NFIB: variants seen among roughly 807,000 people sequenced by gnomAD.
The protein encoded by NFIB is nuclear factor 1 B-type.
NFIB carries 11 observed loss-of-function variants against 61.5 expected under a neutral mutation model. The observed-to-expected ratio is 0.18, with a 90% CI of 0.11 to 0.30. NFIB has a LOEUF of 0.30. Ranked by LOEUF, NFIB falls within the 10% of genes least tolerant of loss-of-function variation. The pLI is 1.00. For synonymous variants in NFIB, 260 were observed against 216.5 expected (o/e 1.20, Z -1.76); for missense variants, 471 against 608.9 (o/e 0.77, Z 2.38).
At chr9:14,271,107 C>T (rs1032977577) in intron 2 of NFIB, among the ~76,000 whole-genome samples, 2 of 151,958 alleles carry the variant, frequency 1.3e-5, no homozygotes, top group Non-Finnish European at 2.9e-5. Context: ...AGAGACCTCC[C>T]ACCCCAACAA....
At chr9:14,438,317 C>T in the NFIB span, among the ~76,000 whole-genome samples, 1 of 152,188 alleles carries the variant, frequency 6.6e-6, no homozygotes, top group African/African-American at 2.4e-5. Context: ...GAAAGAAACG[C>T]TGGGTGCTAA....
chr9:14,278,721 A>G (rs1035922302), intron 2 of NFIB, among the ~76,000 whole-genome samples: 3 of 152,214 alleles, frequency 2.0e-5, no homozygotes, highest in Non-Finnish European at 4.4e-5. Context: ...TAACCCCACC[A>G]TGATTCAGAA....
At chr9:14,460,524 A>G in the NFIB span, among the ~76,000 whole-genome samples, 142 of 152,350 alleles carry the variant, frequency 9.3e-4, no homozygotes, top group African/African-American at 3.3e-3. Context: ...TAATAAAAAA[A>G]AAAGAGGGCT....
chr9:14,460,284 C>T, the NFIB span, among the ~76,000 whole-genome samples: 2 of 151,472 alleles, frequency 1.3e-5, no homozygotes, highest in Non-Finnish European at 2.9e-5. Flanking sequence ...AACCAAACAC[C>T]ACATGTTCTC....
intron 1 of NFIB, among the ~76,000 whole-genome samples, chr9:14,332,330 C>CAAAAAA (rs5896627): frequency 9.3e-6 from 1 of 108,094 alleles, no homozygotes; most frequent in Admixed American, 1.1e-4. Context: ...GAGACTCCGT[C>CAAAAAA]AAAAAAAAAA....
chr9:14,322,022 A>G, intron 1 of NFIB: 1 of 1,227,268 alleles, frequency 8.1e-7, no homozygotes, highest in Non-Finnish European at 1.0e-6. Flanking sequence ...TGTCTCAGGT[A>G]CAGATTTGTG....
At position 14,083,685 on chromosome 9, in the gene NFIB, G is replaced by A; in HGVS notation, c.*4624C>T. 1 of 223,590 alleles carries A rather than the reference G, an allele frequency of 4.5e-6. No homozygotes were observed. Among genetic ancestry groups the A allele is most frequent in the Non-Finnish European group, 9.0e-6 (1 of 111,686 alleles). The allele number at this position is 223,590 out of a possible 1,614,324, so 13.9% of individuals were successfully genotyped here. A position where few individuals can be genotyped will look rare whatever the true frequency, so the allele number is the denominator to read the frequency against. ...TACACTGAATATGGGATAACTTTCT[G>A]CAGCCTTCATCATTTCACACAGTAC... On this transcript the variant is annotated 3_prime_UTR_variant, in exon 11 of 11. Transcript: ENST00000380953.
intron 2 of NFIB, among the ~76,000 whole-genome samples, chr9:14,282,489 A>C (rs2058436850): frequency 6.6e-6 from 1 of 152,262 alleles, no homozygotes; most frequent in Admixed American, 6.5e-5. Context: ...ACCACTTTGC[A>C]AAAGTCCAAA....
In NFIB at chr9:14,082,907, T is replaced by A. The variant is rs1054201232; in HGVS notation, c.*5402A>T. ...CAAGACTGGCTTTAGTGTCACTAGC[T>A]TACACTGCTTTTCATGTATTTAGGC... On this transcript the variant is annotated 3_prime_UTR_variant, in exon 11 of 11. Transcript: ENST00000380953. 2 of 209,030 alleles carry A rather than the reference T, an allele frequency of 9.6e-6. No homozygotes were observed. Among genetic ancestry groups the A allele is most frequent in the African/African-American group, 4.6e-5 (2 of 43,940 alleles). The allele number at this position is 209,030 out of a possible 1,614,324, so 12.9% of individuals were successfully genotyped here.
At chr9:14,249,606 T>G (rs2055347412) in intron 2 of NFIB, among the ~76,000 whole-genome samples, 1 of 152,050 alleles carries the variant, frequency 6.6e-6, no homozygotes, top group Non-Finnish European at 1.5e-5. Context: ...TTATTGCATA[T>G]CATTGTGCAT....
At chr9:14,311,635 C>G (rs1183053193) in intron 1 of NFIB, among the ~76,000 whole-genome samples, 2 of 152,152 alleles carry the variant, frequency 1.3e-5, no homozygotes, top group Admixed American at 6.5e-5. Flanking sequence ...TGTCTCAATG[C>G]TGCAATATTA....
the NFIB span, among the ~76,000 whole-genome samples, chr9:14,447,350 A>G: frequency 6.6e-6 from 1 of 152,166 alleles, no homozygotes; most frequent in Admixed American, 6.5e-5. Flanking sequence ...CCGTATTCTC[A>G]GAATTGTATT....
chr9:14,274,579 G>T (rs1448029079), intron 2 of NFIB, among the ~76,000 whole-genome samples: 4 of 152,100 alleles, frequency 2.6e-5, no homozygotes, highest in African/African-American at 7.2e-5. Context: ...TCCCCTTTTA[G>T]ATTATTTGCA....
chr9:14,284,394 A>G (rs889366297), intron 2 of NFIB, among the ~76,000 whole-genome samples: 1 of 152,130 alleles, frequency 6.6e-6, no homozygotes, highest in Non-Finnish European at 1.5e-5. Context: ...CTTATCTAAG[A>G]AGAAAATCAA....
chr9:14,183,239 G>C (rs149914138), intron 2 of NFIB, among the ~76,000 whole-genome samples: 2 of 152,068 alleles, frequency 1.3e-5, no homozygotes, highest in Non-Finnish European at 2.9e-5. Flanking sequence ...CCAAAAGGGA[G>C]GAGTCCACTG....
chr9:14,425,459 C>A, the NFIB span, among the ~76,000 whole-genome samples: 1 of 152,092 alleles, frequency 6.6e-6, no homozygotes, highest in East Asian at 1.9e-4. Flanking sequence ...TGCTGCTTGC[C>A]CAGCTGTGCA....
intron 1 of NFIB, among the ~76,000 whole-genome samples, chr9:14,323,524 A>G (rs1385869381): frequency 3.3e-5 from 5 of 152,232 alleles, no homozygotes; most frequent in Non-Finnish European, 7.4e-5. Context: ...GTAGTAACCC[A>G]CATACATTTA....
intron 10 of NFIB, 76 bp from the exon 11 acceptor site, chr9:14,088,402 G>C (rs2033215905): frequency 7.5e-7 from 1 of 1,333,998 alleles, no homozygotes. Context: ...AACAATATGA[G>C]AAATATAAAT....
At position 14,254,166 on chromosome 9, in the gene NFIB, TG is replaced by T. The variant is rs1417518009; in HGVS notation, c.562+52822del. On this transcript the variant is annotated intron_variant, in intron 2 of 10. Transcript: ENST00000380953. The stretch of plus-strand genomic sequence containing the variant: ...AAGTACAAAAATTAGCCAGGCATGA[TG>T]GCACACACCTGTAGTCCCAGCTACT... Among the ~76,000 whole-genome samples the T allele has an allele frequency of 2.6e-5, 4 of 152,148 alleles. No homozygotes were observed. In the East Asian group the frequency reaches 7.7e-4, roughly 29 times the overall value.
Sources: allele counts gnomAD v4.1 joint callset (sites outside exome capture counted in the v4.1 genomes callset), GRCh38; gene constraint gnomAD v4.1.1; transcripts MANE v1.5; gene names NCBI Gene and HGNC (gene_info 2026-07-23, HGNC 2026-07-21).